Variants in CDH13 observed in about 807,000 individuals in gnomAD.
The protein encoded by CDH13 is cadherin-13.
Under a neutral mutation model 63.8 loss-of-function variants are expected in CDH13, and 24 were observed. The ratio of observed to expected loss-of-function variants is 0.38; its 90% CI spans 0.27 to 0.53. The LOEUF is 0.53. Among genes scored for constraint, CDH13 ranks in the 20% least tolerant of loss-of-function variants. The probability of loss-of-function intolerance (pLI) is 0.85; values close to 1 mark genes in which losing one functional copy is unlikely to be tolerated. For synonymous variants in CDH13, 503 were observed against 355.3 expected (o/e 1.42, Z -4.67); for missense variants, 1,049 against 903.1 (o/e 1.16, Z -2.07).
chr16:82,834,890 T>A, intron 1 of CDH13, among the ~76,000 whole-genome samples: 1 of 152,222 alleles, frequency 6.6e-6, no homozygotes, highest in East Asian at 1.9e-4. Flanking sequence ...GCTTATATAA[T>A]GGCTACATAA....
At chr16:83,788,478 G>A (rs1471401974) in intron 13 of CDH13, among the ~76,000 whole-genome samples, 3 of 94,798 alleles carry the variant, frequency 3.2e-5, no homozygotes, top group African/African-American at 9.3e-5. Context: ...TTTTTTTTTA[G>A]ATTAAAAAAA....
At chr16:83,590,295 A>T (rs1471589849) in intron 7 of CDH13, among the ~76,000 whole-genome samples, 1 of 152,136 alleles carries the variant, frequency 6.6e-6, no homozygotes, top group African/African-American at 2.4e-5. Context: ...TGGGGACTTG[A>T]CATCATGTGC....
intron 5 of CDH13, among the ~76,000 whole-genome samples, chr16:83,264,167 G>A (rs1053470511): frequency 6.6e-6 from 1 of 152,176 alleles, no homozygotes; most frequent in Admixed American, 6.5e-5. Flanking sequence ...ATAAATTGCT[G>A]CTGCCCAACC....
intron 10 of CDH13, among the ~76,000 whole-genome samples, chr16:83,679,764 G>T (rs1438689499): frequency 6.6e-6 from 1 of 152,236 alleles, no homozygotes; most frequent in Admixed American, 6.5e-5. Context: ...ATGTCTCCAG[G>T]TGAGCTTAAG....
chr16:82,903,976 A>G (rs927106601), intron 2 of CDH13, among the ~76,000 whole-genome samples: 35 of 152,024 alleles, frequency 2.3e-4, no homozygotes, highest in African/African-American at 8.0e-4. Context: ...CTCTCTCCCT[A>G]TTCTTCTGGA....
intron 4 of CDH13, chr16:83,171,493 A>T (rs75527425): frequency 0.043 from 64,978 of 1,520,656 alleles, 3,743 homozygotes; most frequent in African/African-American, 0.26. Flanking sequence ...ATGAAAATAG[A>T]CTGCCCATAA....
intron 5 of CDH13, among the ~76,000 whole-genome samples, chr16:83,311,171 G>C (rs2089991836): frequency 6.6e-6 from 1 of 152,150 alleles, no homozygotes; most frequent in Admixed American, 6.5e-5. Context: ...GTTCCTACTT[G>C]TCATATGAAT....
chr16:82,688,324 A>G (rs919725589), intron 1 of CDH13, among the ~76,000 whole-genome samples: 1 of 152,240 alleles, frequency 6.6e-6, no homozygotes, highest in Non-Finnish European at 1.5e-5. Flanking sequence ...AAAAGCGCTA[A>G]GGCAAACCAT....
chr16:83,010,158 A>AAAAAAAAAAAAAAAAAAG (rs1555561348), intron 2 of CDH13, among the ~76,000 whole-genome samples: 1 of 136,728 alleles, frequency 7.3e-6, no homozygotes, highest in Non-Finnish European at 1.6e-5. Flanking sequence ...AAAAAAAAAA[A>AAAAAAAAAAAAAAAAAAG]AAAACAAGAA....
At chr16:83,317,124 A>C (rs1238034708) in intron 5 of CDH13, among the ~76,000 whole-genome samples, 1 of 152,216 alleles carries the variant, frequency 6.6e-6, no homozygotes, top group Admixed American at 6.5e-5. Context: ...GAAACATCCT[A>C]CAATGCCCAG....
At chr16:82,923,799 C>T (rs1334529327) in intron 2 of CDH13, among the ~76,000 whole-genome samples, 1 of 152,124 alleles carries the variant, frequency 6.6e-6, no homozygotes, top group Non-Finnish European at 1.5e-5. Flanking sequence ...TACAGAAAAT[C>T]GTCTGAATTA....
At chr16:82,646,860 C>T (rs944279965) in intron 1 of CDH13, among the ~76,000 whole-genome samples, 4 of 152,088 alleles carry the variant, frequency 2.6e-5, no homozygotes, top group African/African-American at 9.7e-5. Flanking sequence ...GAGTCCAGAT[C>T]TGAAGCAGAT....
chr16:83,004,893 T>G (rs955293086), intron 2 of CDH13, among the ~76,000 whole-genome samples: 10 of 152,214 alleles, frequency 6.6e-5, no homozygotes, highest in Non-Finnish European at 7.3e-5. Context: ...TGGATGGAGA[T>G]GGCACTTGTC....
chr16:83,490,524 T>C (rs539927477), intron 7 of CDH13, among the ~76,000 whole-genome samples: 4 of 152,250 alleles, frequency 2.6e-5, no homozygotes, highest in African/African-American at 9.6e-5. Context: ...TCTAATCTGC[T>C]CCTCTCCTGC....
intron 6 of CDH13, among the ~76,000 whole-genome samples, chr16:83,384,056 A>G (rs2091623777): frequency 1.3e-5 from 2 of 152,182 alleles, no homozygotes; most frequent in South Asian, 4.1e-4. Context: ...GCTTGCACAT[A>G]TGTCTACAAC....
At chr16:83,664,072 A>T (rs1427059164) in intron 8 of CDH13, among the ~76,000 whole-genome samples, 1 of 152,086 alleles carries the variant, frequency 6.6e-6, no homozygotes, top group Non-Finnish European at 1.5e-5. Context: ...CAGAAGGATC[A>T]CTTGAGCCTA....
intron 4 of CDH13, among the ~76,000 whole-genome samples, chr16:83,196,157 G>A (rs968054459): frequency 1.3e-5 from 2 of 152,172 alleles, no homozygotes; most frequent in African/African-American, 4.8e-5. Flanking sequence ...TCGGGAGGCT[G>A]AAGCAGGAGA....
intron 6 of CDH13, among the ~76,000 whole-genome samples, chr16:83,405,433 G>T (rs982380432): frequency 2.6e-5 from 4 of 152,230 alleles, no homozygotes; most frequent in Non-Finnish European, 4.4e-5. Context: ...CCAGTGGTCA[G>T]AGAGGAAAGG....
chr16:83,717,423 C>A (rs1342071162), intron 10 of CDH13, among the ~76,000 whole-genome samples: 3 of 152,282 alleles, frequency 2.0e-5, no homozygotes, highest in African/African-American at 7.2e-5. Context: ...CCTGGTTCAC[C>A]GCACGTGAAA....
Sources: allele counts gnomAD v4.1 joint callset (sites outside exome capture counted in the v4.1 genomes callset), GRCh38; gene constraint gnomAD v4.1.1; transcripts MANE v1.5; gene names NCBI Gene and HGNC (gene_info 2026-07-23, HGNC 2026-07-21).